EPHA6: variants seen among roughly 807,000 people sequenced by gnomAD.
EPHA6 encodes EPH receptor A6, also known as ephrin type-A receptor 6.
A neutral mutation model predicts 112.0 loss-of-function variants in EPHA6; 50 were observed. That is an observed-to-expected ratio of 0.45 (90% CI 0.36 to 0.56). The LOEUF (loss-of-function observed/expected upper bound fraction) is 0.56. Among genes scored for constraint, EPHA6 ranks in the 20% least tolerant of loss-of-function variants. The pLI is 0.00. For synonymous variants in EPHA6, 529 were observed against 490.7 expected, an observed-to-expected ratio of 1.08 and a Z score of -1.03; for missense variants, 1,280 against 1,417.4, an observed-to-expected ratio of 0.90 and a Z score of 1.56.
intron 15 of EPHA6, among the ~76,000 whole-genome samples, chr3:97,722,344 A>G (rs1274030171): frequency 6.6e-6 from 1 of 152,194 alleles, no homozygotes; most frequent in Admixed American, 6.5e-5. Context: ...CAGAGAACAC[A>G]TATTACATTT....
chr3:97,226,460 C>A, intron 4 of EPHA6, 41 bp downstream of exon 4: 1 of 1,531,404 alleles, frequency 6.5e-7, no homozygotes. Context: ...CTGTTTCCAA[C>A]CCTTTTGGTC....
chr3:97,369,240 C>T (rs1375206751), intron 5 of EPHA6, among the ~76,000 whole-genome samples: 1 of 152,082 alleles, frequency 6.6e-6, no homozygotes. Flanking sequence ...TTGGAAGACA[C>T]TGAAAGTTTC....
intron 2 of EPHA6, among the ~76,000 whole-genome samples, chr3:96,938,134 A>G (rs1437650148): frequency 2.0e-5 from 3 of 151,498 alleles, no homozygotes; most frequent in Non-Finnish European, 4.4e-5. Context: ...GTTTTTTCCA[A>G]TTCTGTGAAG....
At chr3:97,300,830 AT>A (rs200128515) in intron 5 of EPHA6, among the ~76,000 whole-genome samples, 1 of 151,750 alleles carries the variant, frequency 6.6e-6, no homozygotes, top group African/African-American at 2.4e-5. Flanking sequence ...ACAAAAGGAA[AT>A]TTAAAAAAAA....
chr3:96,842,458 G>T (rs1271387903), intron 1 of EPHA6, among the ~76,000 whole-genome samples: 1 of 151,988 alleles, frequency 6.6e-6, no homozygotes, highest in Non-Finnish European at 1.5e-5. Flanking sequence ...GATTATATCC[G>T]AGAGGTTAGG....
intron 1 of EPHA6, among the ~76,000 whole-genome samples, chr3:96,816,091 G>C (rs1407211383): frequency 6.6e-6 from 1 of 152,146 alleles, no homozygotes; most frequent in East Asian, 1.9e-4. Flanking sequence ...TTCACTTTTT[G>C]TGTGAGGAGA....
chr3:97,350,202 A>G (rs2083738731), intron 5 of EPHA6, among the ~76,000 whole-genome samples: 1 of 152,128 alleles, frequency 6.6e-6, no homozygotes, highest in Non-Finnish European at 1.5e-5. Flanking sequence ...ACTGAAGCAG[A>G]AAGCCTGACC....
chr3:96,965,968 C>T (rs1453864453), intron 2 of EPHA6, among the ~76,000 whole-genome samples: 1 of 151,932 alleles, frequency 6.6e-6, no homozygotes, highest in Non-Finnish European at 1.5e-5. Context: ...CTTGTTTGAG[C>T]TCTGTATTCT....
At chr3:97,454,430 G>T (rs2090619028) in intron 7 of EPHA6, among the ~76,000 whole-genome samples, 1 of 151,412 alleles carries the variant, frequency 6.6e-6, no homozygotes, top group Non-Finnish European at 1.5e-5. Context: ...AAAAGAAAAA[G>T]AAATACTAAA....
At chr3:97,462,415 T>C (rs768244375) in intron 7 of EPHA6, among the ~76,000 whole-genome samples, 18 of 152,092 alleles carry the variant, frequency 1.2e-4, no homozygotes, top group Non-Finnish European at 2.1e-4. Context: ...AGAAGAAGAA[T>C]GTAATTCTGG....
chr3:96,876,230 C>T (rs1289285922), intron 2 of EPHA6, among the ~76,000 whole-genome samples: 1 of 151,170 alleles, frequency 6.6e-6, no homozygotes, highest in Non-Finnish European at 1.5e-5. Context: ...GCCACCATGC[C>T]TGGCCTAGAC....
chr3:97,191,151 A>G lies in EPHA6; in HGVS notation c.1115-35113A>G, dbSNP rs113367834. 3.9e-3 allele frequency among the ~76,000 whole-genome samples: 588 copies of G among 152,188 alleles called. 4 individuals carry two copies. Among genetic ancestry groups the G allele is most frequent in the African/African-American group, 0.013 (538 of 41,542 alleles). ...CTGCAGTCCAAACTGAGACAAATAAACCCTTCAGTGAAACGGCACCATATT... is the reference window on the plus strand; with the variant it reads ...CTGCAGTCCAAACTGAGACAAATAAGCCCTTCAGTGAAACGGCACCATATT... On this transcript the variant is annotated intron_variant, in intron 3 of 17. Coordinates refer to ENST00000389672, the MANE Select transcript of EPHA6 (RefSeq NM_001080448.3).
chr3:96,890,215 C>A (rs1438476887), intron 2 of EPHA6, among the ~76,000 whole-genome samples: 2 of 151,630 alleles, frequency 1.3e-5, no homozygotes, highest in Non-Finnish European at 2.9e-5. Context: ...GTAAGAACAG[C>A]AAAAGGCAAC....
At chr3:97,002,739 A>G (rs1394128940) in intron 3 of EPHA6, among the ~76,000 whole-genome samples, 2 of 152,054 alleles carry the variant, frequency 1.3e-5, no homozygotes, top group Admixed American at 6.6e-5. Flanking sequence ...TGTTTTTGCT[A>G]CTTTGAATTC....
intron 3 of EPHA6, among the ~76,000 whole-genome samples, chr3:97,143,332 T>C: frequency 6.6e-6 from 1 of 151,696 alleles, no homozygotes; most frequent in African/African-American, 2.4e-5. Context: ...TCTATAAAAA[T>C]AATAATAACA....
chr3:96,963,408 A>C (rs2042014819), intron 2 of EPHA6, among the ~76,000 whole-genome samples: 1 of 152,128 alleles, frequency 6.6e-6, no homozygotes, highest in African/African-American at 2.4e-5. Flanking sequence ...TATTTCTGGG[A>C]CTTATAGTCA....
chr3:97,144,258 G>A (rs2075983838), intron 3 of EPHA6, among the ~76,000 whole-genome samples: 1 of 151,570 alleles, frequency 6.6e-6, no homozygotes, highest in Admixed American at 6.6e-5. Flanking sequence ...TCAAAAAGAA[G>A]TTTGAGTATC....
intron 5 of EPHA6, among the ~76,000 whole-genome samples, chr3:97,300,849 T>C (rs1341935768): frequency 1.3e-5 from 2 of 152,016 alleles, no homozygotes; most frequent in African/African-American, 4.8e-5. Flanking sequence ...AAAAAAGTAG[T>C]AGTTCTATCT....
At chr3:96,884,982 C>A (rs934954772) in intron 2 of EPHA6, among the ~76,000 whole-genome samples, 1 of 152,170 alleles carries the variant, frequency 6.6e-6, no homozygotes, top group Non-Finnish European at 1.5e-5. Flanking sequence ...TTGAAATGAT[C>A]ATGCGATTTT....
Sources: allele counts gnomAD v4.1 joint callset (sites outside exome capture counted in the v4.1 genomes callset), GRCh38; gene constraint gnomAD v4.1.1; transcripts MANE v1.5; gene names NCBI Gene and HGNC (gene_info 2026-07-23, HGNC 2026-07-21).